Variants in SREK1 observed in about 807,000 individuals in gnomAD.
SREK1 encodes the protein splicing regulatory glutamic acid and lysine rich protein 1, also known as splicing regulatory glutamine/lysine-rich protein 1.
A neutral mutation model predicts 66.5 loss-of-function variants in SREK1; 13 were observed. The ratio of observed to expected loss-of-function variants is 0.20; its 90% CI spans 0.13 to 0.31. The LOEUF is 0.31. SREK1 is among the 10% of genes least tolerant of loss of function. The pLI is 1.00. For missense variants in SREK1, 607 were observed against 769.6 expected, an observed-to-expected ratio of 0.79 and a Z score of 2.50; for synonymous variants, 265 against 263.5, an observed-to-expected ratio of 1.01 and a Z score of -0.05.
chr5:66,170,657 G>A lies in SREK1; in HGVS notation c.1194G>A (p.Glu398=). The A allele has an allele frequency of 6.2e-7, 1 of 1,613,080 alleles. No individual in the cohort carries two copies. The highest frequency in any genetic ancestry group is 8.5e-7 in the Non-Finnish European group (1 of 1,179,646). ...TGAAAGAGAAAGACAGGGAAAAGGAGAGAGAGAGGGAAAAGGAACGTGAAA... is the reference window on the plus strand; with the variant it reads ...TGAAAGAGAAAGACAGGGAAAAGGAAAGAGAGAGGGAAAAGGAACGTGAAA... ...ERVKEKDREK[E]REREKEREKE... is the part of the protein sequence containing the mutation. The change falls in exon 9 of 12, where the codon GAG becomes GAA. Residue 398 remains glutamate, a synonymous_variant. Transcript: ENST00000334121.
rs1390598974 is a variant in SREK1, at chr5:66,179,964, C to G, written c.*1096C>G. ...ACATTAGAGTCATGCAGCTTTGGGA[C>G]CATCAGTTTTATACTGTGATAATTG... On this transcript the variant is annotated 3_prime_UTR_variant, in exon 12 of 12. Transcript: ENST00000334121. The G allele has an allele frequency of 6.6e-6, 1 of 152,478 alleles. No individual in the cohort carries two copies. The highest frequency in any genetic ancestry group is 1.5e-5 in the Non-Finnish European group (1 of 67,980). The allele number at this position is 152,478 out of a possible 1,614,324, so 9.4% of individuals were successfully genotyped here.
At chr5:66,151,702 C>T (rs1352403981) in intron 1 of SREK1, among the ~76,000 whole-genome samples, 1 of 152,060 alleles carries the variant, frequency 6.6e-6, no homozygotes, top group Non-Finnish European at 1.5e-5. Flanking sequence ...TACAGTTAAC[C>T]TCAGTGTCAG....
intron 10 of SREK1, among the ~76,000 whole-genome samples, chr5:66,175,408 G>C (rs1225353305): frequency 6.6e-6 from 1 of 152,144 alleles, no homozygotes; most frequent in East Asian, 1.9e-4. Flanking sequence ...TAACTTACCA[G>C]GTCAGAGAGA....
chr5:66,144,640 C>G, intron 1 of SREK1, 103 bp downstream of exon 1: 1 of 1,435,422 alleles, frequency 7.0e-7, no homozygotes, highest in Non-Finnish European at 9.1e-7. Context: ...GTGCATGTCA[C>G]GTGATCGCGC....
chr5:66,159,464 C>A, intron 3 of SREK1, 130 bp downstream of exon 3: 1 of 737,650 alleles, frequency 1.4e-6, no homozygotes, highest in Non-Finnish European at 1.9e-6. Flanking sequence ...GATTCGAAAT[C>A]ACTGCTTAAA....
At chr5:66,151,160 T>C (rs1419978657) in intron 1 of SREK1, among the ~76,000 whole-genome samples, 1 of 152,144 alleles carries the variant, frequency 6.6e-6, no homozygotes, top group Non-Finnish European at 1.5e-5. Context: ...TTTTTTAGAC[T>C]AAATTCGTGG....
chr5:66,161,879 A>G (rs1199472750), intron 3 of SREK1, among the ~76,000 whole-genome samples: 4 of 152,198 alleles, frequency 2.6e-5, no homozygotes, highest in Admixed American at 2.6e-4. Context: ...TTTAGGGTCA[A>G]GTTTAAAAGT....
chr5:66,182,968 T>C lies in SREK1; in HGVS notation c.*4100T>C, dbSNP rs1312819961. ...TAACTAGCTTTCTTCCATTCTAAGG[T>C]ACTTTTATAGTTTCTAGCAATTAGT... On this transcript the variant is annotated 3_prime_UTR_variant, in exon 12 of 12. Coordinates refer to ENST00000334121, the MANE Select transcript of SREK1 (RefSeq NM_001077199.3). The C allele has an allele frequency of 6.6e-6, 1 of 152,262 alleles. No homozygotes were observed. The highest frequency in any genetic ancestry group is 1.9e-4 in the East Asian group (1 of 5,206). 9.4% of individuals were successfully genotyped at this position (152,262 alleles called of 1,614,324 possible).
intron 7 of SREK1, chr5:66,166,948 TC>T (rs1745227653): frequency 1.3e-5 from 2 of 152,162 alleles, no homozygotes; most frequent in Admixed American, 6.5e-5. Context: ...CCTGGAAGGA[TC>T]CCACTATCCC....
chr5:66,159,921 G>C (rs1744602052), intron 3 of SREK1, among the ~76,000 whole-genome samples: 2 of 152,254 alleles, frequency 1.3e-5, no homozygotes, highest in South Asian at 4.1e-4. Flanking sequence ...ATGAGGTCGG[G>C]AGATCGAGAC....
At position 66,173,655 on chromosome 5, in the gene SREK1, C is replaced by T. The variant is rs190305474; in HGVS notation, c.1485-1291C>T. On this transcript the variant is annotated intron_variant, in intron 9 of 11. Transcript: ENST00000334121. Reference sequence around the variant, plus strand: ...TTATCGTCAGCTAGTAGGTATTAGACATCCACTTGTACATAGTGCTTTCTG... The same window carrying T: ...TTATCGTCAGCTAGTAGGTATTAGATATCCACTTGTACATAGTGCTTTCTG... Among the ~76,000 whole-genome samples, 6 of 152,312 alleles carry T rather than the reference C, an allele frequency of 3.9e-5. No individual in the cohort carries two copies. In the East Asian group the frequency reaches 9.6e-4, roughly 24 times the overall value.
In SREK1 at chr5:66,159,199, T is replaced by C. The variant is rs372981381; in HGVS notation, c.296-20T>C. ...TGTGGTGTTTCTGCTTTTTGTAATG[T>C]TTGGAACTTGCCTCTGCAGGTAAAA... On this transcript the variant is annotated intron_variant, in intron 2 of 11. Transcript: ENST00000334121. 474 of 1,602,722 alleles carry C rather than the reference T, an allele frequency of 3.0e-4. No individual in the cohort carries two copies. The highest frequency in any genetic ancestry group is 3.7e-4 in the Non-Finnish European group (435 of 1,176,158).
At chr5:66,175,871 A>G (rs1746015846) in intron 10 of SREK1, among the ~76,000 whole-genome samples, 1 of 152,176 alleles carries the variant, frequency 6.6e-6, no homozygotes, top group African/African-American at 2.4e-5. Context: ...ATTATAAATA[A>G]CATTCTCAGT....
intron 7 of SREK1, chr5:66,167,652 T>G (rs1745285132): frequency 6.6e-6 from 1 of 152,158 alleles, no homozygotes; most frequent in Admixed American, 6.5e-5. Context: ...ATAATTACTC[T>G]TAGTCACTGT....
At chr5:66,175,663 T>C (rs1402150240) in intron 10 of SREK1, among the ~76,000 whole-genome samples, 1 of 152,176 alleles carries the variant, frequency 6.6e-6, no homozygotes, top group Non-Finnish European at 1.5e-5. Flanking sequence ...TATTTCCTAA[T>C]TATCCTCTAT....
intron 5 of SREK1, 89 bp from the exon 6 acceptor site, chr5:66,163,703 G>A (rs935476828): frequency 2.2e-6 from 3 of 1,370,862 alleles, no homozygotes; most frequent in Admixed American, 2.3e-5. Flanking sequence ...ATGTCCTCAC[G>A]TTTATAAATA....
Position 66,170,895 on chromosome 5 carries a change from A to G in SREK1, c.1432A>G (p.Arg478Gly). The change falls in exon 9 of 12, where the codon AGA (arginine) becomes GGA (glycine). Residue 478 changes from arginine (R) to glycine (G), a missense_variant. Transcript: ENST00000334121. ...DEKRKKDKKS[R>G]TPPRSYNASR... ...AAAAAGAAAGAAGGATAAAAAATCC[A>G]GAACACCACCCAGGAGTTACAATGC... 6.2e-7 allele frequency: 1 copy of G among 1,613,618 alleles called. No individual in the cohort carries two copies. The highest frequency in any genetic ancestry group is 8.5e-7 in the Non-Finnish European group (1 of 1,179,924).
chr5:66,154,699 A>T (rs1744130968), intron 2 of SREK1, among the ~76,000 whole-genome samples: 1 of 152,220 alleles, frequency 6.6e-6, no homozygotes, highest in Non-Finnish European at 1.5e-5. Context: ...AAGTCCCAGA[A>T]TAGGACATTC....
intron 5 of SREK1, chr5:66,162,826 A>G (rs1744876461): frequency 1.2e-5 from 5 of 407,984 alleles, no homozygotes; most frequent in Non-Finnish European, 4.3e-6. Context: ...TTCAGTGTTA[A>G]CATTATTTAT....
Sources: gnomAD v4.1 joint callset for allele counts (sites outside exome capture counted in the v4.1 genomes callset) on GRCh38, gnomAD v4.1.1 for gene constraint, MANE v1.5 for transcripts, NCBI Gene and HGNC (gene_info 2026-07-23, HGNC 2026-07-21) for gene names.